The following AGL variants were observed in gnomAD, a reference collection of about 807,000 sequenced individuals.
The protein encoded by AGL is glycogen debranching enzyme.
In AGL, 128 loss-of-function variants were observed where a neutral mutation model predicts 199.3. The observed-to-expected ratio is 0.64, with a 90% CI of 0.56 to 0.74. The LOEUF (loss-of-function observed/expected upper bound fraction) is 0.74, where lower values mean the gene tolerates loss of function less well. AGL is among the 30% of genes least tolerant of loss of function. AGL has a pLI of 0.00. For synonymous variants in AGL, 584 were observed against 594.7 expected (o/e 0.98, Z 0.26); for missense variants, 1,809 against 1,820.8 (o/e 0.99, Z 0.12).
chr1:99,906,173 C>T (rs1654276024), intron 27 of AGL, among the ~76,000 whole-genome samples: 1 of 152,124 alleles, frequency 6.6e-6, no homozygotes, highest in Non-Finnish European at 1.5e-5. Flanking sequence ...CACTATCCTA[C>T]TTTCTGCCTC....
chr1:99,912,552 A>C (rs370948034), intron 29 of AGL, 35 bp downstream of exon 29: 1 of 1,422,906 alleles, frequency 7.0e-7, no homozygotes, highest in Admixed American at 1.7e-5. Flanking sequence ...AGAACCTTCA[A>C]ATGTACTATG....
rs188325529 is a variant in AGL at position 99,901,458 on chromosome 1, A to G, written c.3588+597A>G. ...TGGATTGAAGCACAGTTTAGGGGAC[A>G]TAGTACTTAATAGTGTTTTTGTAAG... On this transcript the variant is annotated intron_variant, in intron 26 of 33. Coordinates refer to ENST00000361915, the MANE Select transcript of AGL (RefSeq NM_000642.3). 5.3e-5 allele frequency among the ~76,000 whole-genome samples: 8 copies of G among 151,804 alleles called. 1 individual carries two copies. The highest frequency in any genetic ancestry group is 1.0e-4 in the Non-Finnish European group (7 of 67,928).
Position 99,881,665 on chromosome 1 carries a change from A to C in AGL, c.2282A>C (p.Lys761Thr). The stretch of plus-strand genomic sequence containing the variant: ...AATCCCAAGACTTCATTTTACAGCA[A>C]GGAAGTGCCTCAAATGTGCATCCCT... ...FRNPKTSFYS[K>T]EVPQMCIPGK... Residue 761 changes from lysine to threonine, a missense_variant, in exon 17 of 34, where the codon AAG (lysine) becomes ACG (threonine). Transcript: ENST00000361915. 1 of 1,613,980 alleles carries C rather than the reference A, an allele frequency of 6.2e-7. No individual in the cohort carries two copies. The highest frequency in any genetic ancestry group is 8.5e-7 in the Non-Finnish European group (1 of 1,179,920).
chr1:99,891,948 A>C (rs1427540399), intron 23 of AGL, among the ~76,000 whole-genome samples: 3 of 152,142 alleles, frequency 2.0e-5, no homozygotes, highest in African/African-American at 4.8e-5. Context: ...TCTAAAAGCT[A>C]ATAAAACATA....
chr1:99,896,862 G>A (rs1653366204), intron 25 of AGL, among the ~76,000 whole-genome samples: 1 of 152,138 alleles, frequency 6.6e-6, no homozygotes, highest in Admixed American at 6.5e-5. Context: ...CCGGGCTGGA[G>A]TGCAGCGGCA....
At chr1:99,872,779 A>G (rs6676595) in intron 7 of AGL, among the ~76,000 whole-genome samples, 115,305 of 152,000 alleles carry the variant, frequency 0.76, 44,422 homozygotes, top group African/African-American at 0.91. Context: ...TGCCTGCCTC[A>G]GCCTCCCAAA....
chr1:99,864,565 A>G lies in AGL; in HGVS notation c.640A>G (p.Thr214Ala), dbSNP rs540051403. The G allele has an allele frequency of 2.4e-5, 39 of 1,613,820 alleles. No homozygotes were observed. The South Asian group carries it at 4.1e-4, about 17-fold the overall frequency. Residue 214 changes from threonine to alanine, a missense_variant, in exon 5 of 34, where the codon ACT becomes GCT. Thr to Ala is a moderately conservative substitution (Grantham distance 58). Coordinates refer to ENST00000361915, the MANE Select transcript of AGL (RefSeq NM_000642.3). ...AAAGGAATGGAATGTTATTTGTATT[A>G]CTGATGTTGTCTACAATCATACTGG... ...LKKEWNVICI[T>A]DVVYNHTAAN...
rs1294430435 is a variant in AGL, at chr1:99,876,496, T to C, written c.1322T>C (p.Met441Thr). 1.2e-6 allele frequency: 2 copies of C among 1,610,082 alleles called. No homozygotes were observed. Among genetic ancestry groups the C allele is most frequent in the African/African-American group, 1.3e-5 (1 of 74,976 alleles). ...CCATTTGAAGAGATAGACTTCTCCATGGAAGAATCTATGATTCATCTGCCA... is the reference window on the plus strand; with the variant it reads ...CCATTTGAAGAGATAGACTTCTCCACGGAAGAATCTATGATTCATCTGCCA... ...TFPFEEIDFS[M>T]EESMIHLPNK... is the part of the protein sequence containing the mutation. Residue 441 changes from methionine (M) to threonine (T), a missense_variant, in exon 11 of 34, where the codon ATG becomes ACG. Coordinates refer to ENST00000361915, the MANE Select transcript of AGL (RefSeq NM_000642.3).
intron 33 of AGL, 97 bp from the exon 34 acceptor site, chr1:99,921,437 T>G: frequency 1.2e-6 from 1 of 815,342 alleles, no homozygotes; most frequent in African/African-American, 1.7e-5. Flanking sequence ...TACATATGAT[T>G]ATTTTCTACA....
chr1:99,870,890 T>C, intron 7 of AGL, 21 bp downstream of exon 7: 2 of 1,390,348 alleles, frequency 1.4e-6, no homozygotes, highest in Non-Finnish European at 2.0e-6. Context: ...CATACTAGAA[T>C]GTTCCTATCG....
intron 28 of AGL, among the ~76,000 whole-genome samples, chr1:99,911,460 A>G (rs2100851276): frequency 6.6e-6 from 1 of 151,336 alleles, no homozygotes; most frequent in South Asian, 2.1e-4. Flanking sequence ...TTTTTTTTTG[A>G]AAGAGAGAGC....
chr1:99,891,042 G>A (rs1652850896), intron 21 of AGL, among the ~76,000 whole-genome samples, 178 bp from the exon 22 acceptor site: 1 of 152,100 alleles, frequency 6.6e-6, no homozygotes, highest in South Asian at 2.1e-4. Flanking sequence ...AGCCAGTATT[G>A]TCATACTTAT....
chr1:99,901,382 T>TAAA (rs58305886), intron 26 of AGL, among the ~76,000 whole-genome samples: 17 of 107,728 alleles, frequency 1.6e-4, no homozygotes, highest in African/African-American at 2.1e-4. Flanking sequence ...TCAGTCTCTT[T>TAAA]AAAAAAAAAA....
intron 32 of AGL, 48 bp from the exon 33 acceptor site, chr1:99,916,549 AT>A: frequency 6.2e-7 from 1 of 1,606,596 alleles, no homozygotes; most frequent in Non-Finnish European, 8.5e-7. Context: ...TTTTCAAGTA[AT>A]TTTTAGGTAT....
intron 27 of AGL, among the ~76,000 whole-genome samples, chr1:99,906,686 C>T (rs11166371): frequency 0.39 from 59,383 of 152,038 alleles, 12,377 homozygotes; most frequent in East Asian, 0.56. Context: ...CAAGGTTCAT[C>T]CATCTCATAG....
At chr1:99,886,657 A>G (rs1327473665) in intron 20 of AGL, among the ~76,000 whole-genome samples, 1 of 152,230 alleles carries the variant, frequency 6.6e-6, no homozygotes, top group African/African-American at 2.4e-5. Flanking sequence ...ATCTCATGTA[A>G]TTTAAATATT....
rs1652268687 is a variant in AGL at position 99,884,215 on chromosome 1, A to T, written c.2404A>T (p.Ile802Phe). The part of the protein sequence containing the change: ...DENSINGTPD[I>F]TVEIREHIQL... ...GAATTCAATCAATGGAACACCAGAT[A>T]TCACAGTAGAAATTAGAGAACATAT... The change falls in exon 18 of 34, where the codon ATC (isoleucine) becomes TTC (phenylalanine). Residue 802 changes from isoleucine (I) to phenylalanine (F), a missense_variant. Coordinates refer to ENST00000361915, the MANE Select transcript of AGL (RefSeq NM_000642.3). The T allele has an allele frequency of 6.2e-7, 1 of 1,613,276 alleles. No individual in the cohort carries two copies. The highest frequency in any genetic ancestry group is 1.3e-5 in the African/African-American group (1 of 74,916).
chr1:99,900,869 T>A lies in AGL; in HGVS notation c.3588+8T>A. 1 of 1,585,406 alleles carries A rather than the reference T, an allele frequency of 6.3e-7. No homozygotes were observed. Among genetic ancestry groups the A allele is most frequent in the East Asian group, 2.2e-5 (1 of 44,568 alleles). On this transcript the variant is annotated splice_region_variant and intron_variant, in intron 26 of 33. Coordinates refer to ENST00000361915, the MANE Select transcript of AGL (RefSeq NM_000642.3). ...TTGCCTGCTGGCACACTGGTAAAGA[T>A]ATTTCTTAAAATGTTTTTTTGTTTT...
rs2100860295 is a variant in AGL at position 99,913,690 on chromosome 1, T to C, written c.4113T>C (p.Pro1371=). 6.2e-7 allele frequency: 1 copy of C among 1,614,126 alleles called. No individual in the cohort carries two copies. The highest frequency in any genetic ancestry group is 1.1e-5 in the South Asian group (1 of 91,086). ...AAGATAGTTATGGAGCTTCAAGTCC[T>C]TGGTGTGACTATCAGCTCAGGCCTA... ...IYKDSYGASS[P]WCDYQLRPNF... The change falls in exon 30 of 34, where the codon CCT becomes CCC. Residue 1371 remains proline, a synonymous_variant. Coordinates refer to ENST00000361915, the MANE Select transcript of AGL (RefSeq NM_000642.3).
Sources: allele counts gnomAD v4.1 joint callset (sites outside exome capture counted in the v4.1 genomes callset), GRCh38; gene constraint gnomAD v4.1.1; transcripts MANE v1.5; gene names NCBI Gene and HGNC (gene_info 2026-07-23, HGNC 2026-07-21).